ZBTB1: variants seen among roughly 807,000 people sequenced by gnomAD.
ZBTB1 encodes the protein zinc finger and BTB domain-containing protein 1.
A neutral mutation model predicts 51.6 loss-of-function variants in ZBTB1; 13 were observed. The ratio of observed to expected loss-of-function variants is 0.25; its 90% confidence interval spans 0.16 to 0.40. ZBTB1 has a LOEUF of 0.40. Among genes scored for constraint, ZBTB1 ranks in the 10% least tolerant of loss-of-function variants. The pLI, the probability that ZBTB1 is intolerant of heterozygous loss-of-function variation, is 1.00. For missense variants in ZBTB1, 567 were observed against 856.5 expected (o/e 0.66, Z 4.22); for synonymous variants, 240 against 282.2 (o/e 0.85, Z 1.50).
Position 64,522,255 on chromosome 14 carries a change from C to T in ZBTB1, c.751C>T (p.His251Tyr). 6.2e-7 allele frequency: 1 copy of T among 1,614,110 alleles called. No individual in the cohort carries two copies. The highest frequency in any genetic ancestry group is 1.1e-5 in the South Asian group (1 of 91,054). The change falls in exon 2 of 2, where the codon CAT becomes TAT. Residue 251 changes from histidine (H) to tyrosine (Y), a missense_variant. By Grantham distance (83) the His-to-Tyr change is moderately conservative. This residue lies in a region of ZBTB1 where 329 missense variants were observed against 406.3 expected (regional missense o/e 0.81). Transcript: ENST00000683701. ...TTTATACCAAAACACAAGATCTTAC[C>T]ATAGAATAGTAGATATTAGAGATGG... ...RHLYQNTRSY[H>Y]RIVDIRDGKD... is the part of the protein sequence containing the mutation.
Position 64,521,971 on chromosome 14 carries a change from C to T in ZBTB1, c.467C>T (p.Ala156Val). 1 of 1,614,154 alleles carries T rather than the reference C, an allele frequency of 6.2e-7. No individual in the cohort carries two copies. The highest frequency in any genetic ancestry group is 8.5e-7 in the Non-Finnish European group (1 of 1,180,042). ...EDTVARNGNE[A>V]NRWCAEPSST... ...ACTGTGGCTCGAAATGGCAATGAAGCCAACAGGTGGTGTGCAGAGCCAAGT... is the reference window on the plus strand; with the variant it reads ...ACTGTGGCTCGAAATGGCAATGAAGTCAACAGGTGGTGTGCAGAGCCAAGT... The change falls in exon 2 of 2, where the codon GCC becomes GTC. Residue 156 changes from alanine (A) to valine (V), a missense_variant. Ala to Val is a moderately conservative substitution (Grantham distance 64). Coordinates refer to ENST00000683701, the MANE Select transcript of ZBTB1 (RefSeq NM_001123329.2).
At chr14:64,509,053 GC>G (rs1240157002) in intron 1 of ZBTB1, among the ~76,000 whole-genome samples, 2 of 152,318 alleles carry the variant, frequency 1.3e-5, no homozygotes, top group Non-Finnish European at 2.9e-5. Context: ...AGAGGCATCT[GC>G]CTCACCCTAA....
chr14:64,524,562 C>T lies in ZBTB1; in HGVS notation c.*916C>T, dbSNP rs2079888701. ...CTCTAAAGGAAAAGATGATTTTTTA[C>T]AATACATACTTCTGGAACTTTGAGA... On this transcript the variant is annotated 3_prime_UTR_variant, in exon 2 of 2. Coordinates refer to ENST00000683701, the MANE Select transcript of ZBTB1 (RefSeq NM_001123329.2). 1 of 982,958 alleles carries T rather than the reference C, an allele frequency of 1.0e-6. No homozygotes were observed. Among genetic ancestry groups the T allele is most frequent in the South Asian group, 4.7e-5 (1 of 21,244 alleles). The allele number at this position is 982,958 out of a possible 1,614,324, so 60.9% of individuals were successfully genotyped here.
intron 1 of ZBTB1, among the ~76,000 whole-genome samples, chr14:64,517,134 C>A (rs2079795024): frequency 6.6e-6 from 1 of 152,186 alleles, no homozygotes; most frequent in South Asian, 2.1e-4. Flanking sequence ...ATAAGCATCA[C>A]CACCATTACA....
rs75296139 is a variant in ZBTB1, at chr14:64,522,651, A to G, written c.1147A>G (p.Ser383Gly). The stretch of plus-strand genomic sequence containing the variant: ...TGAAGAAGATGTCAGCATAAAAAAA[A>G]GTGGTAGGAAAACTCTAAAACCTCG... ...YVEEDVSIKK[S>G]GRKTLKPRMS... is the part of the protein sequence containing the mutation. Residue 383 changes from serine (S) to glycine (G), a missense_variant, in exon 2 of 2, where the codon AGT becomes GGT. Physicochemically the swap from Ser to Gly is moderately conservative, Grantham distance 56. This residue lies in a region of ZBTB1 where 329 missense variants were observed against 406.3 expected (regional missense o/e 0.81). Coordinates refer to ENST00000683701, the MANE Select transcript of ZBTB1 (RefSeq NM_001123329.2). The G allele has an allele frequency of 1.9e-6, 3 of 1,614,214 alleles. No homozygotes were observed. Among genetic ancestry groups the G allele is most frequent in the Non-Finnish European group, 2.5e-6 (3 of 1,180,026 alleles).
intron 1 of ZBTB1, among the ~76,000 whole-genome samples, chr14:64,517,788 T>A (rs868372109): frequency 8.1e-4 from 100 of 123,184 alleles, no homozygotes; most frequent in Admixed American, 2.1e-3. Context: ...TATATTTTTT[T>A]TTTTTTTTTT....
rs2079887723 is a variant in ZBTB1, at chr14:64,524,441, ATATTT to A, written c.*798_*802del. Reference sequence around the variant, plus strand: ...AAGACATATCTTGTATTCATTAAAAATATTTTAATTTAAAATATTCTGATTTCTAA... The same window carrying A: ...AAGACATATCTTGTATTCATTAAAAATAATTTAAAATATTCTGATTTCTAA... On this transcript the variant is annotated 3_prime_UTR_variant, in exon 2 of 2. Coordinates refer to ENST00000683701, the MANE Select transcript of ZBTB1 (RefSeq NM_001123329.2). 7 of 792,120 alleles carry A rather than the reference ATATTT, an allele frequency of 8.8e-6. No individual in the cohort carries two copies. The highest frequency in any genetic ancestry group is 1.9e-5 in the African/African-American group (1 of 53,414). 49.1% of individuals were successfully genotyped at this position (792,120 alleles called of 1,614,324 possible).
chr14:64,507,553 C>T (rs1190460366), intron 1 of ZBTB1, among the ~76,000 whole-genome samples: 1 of 152,218 alleles, frequency 6.6e-6, no homozygotes, highest in Admixed American at 6.5e-5. Flanking sequence ...GTGCCTCACT[C>T]TGCCTGGGGA....
rs1176564348 is a variant in ZBTB1, at chr14:64,523,029, G to C, written c.1525G>C (p.Asp509His). 2 of 1,614,158 alleles carry C rather than the reference G, an allele frequency of 1.2e-6. No individual in the cohort carries two copies. ...AAGAGATATGTTTGTTGAAATGCTG[G>C]ATGATTTTAGGGACAATCATTACCA... ...EIRDMFVEMLDDFRDNHYQIN... is the reference protein window; with the variant it reads ...EIRDMFVEMLHDFRDNHYQIN... The change falls in exon 2 of 2, where the codon GAT becomes CAT. Residue 509 changes from aspartate (D) to histidine (H), a missense_variant. Asp to His is a moderately conservative substitution (Grantham distance 81, BLOSUM62 -1). Coordinates refer to ENST00000683701, the MANE Select transcript of ZBTB1 (RefSeq NM_001123329.2). This position sits in a 1 kb window ranked among gnomAD's most constrained non-coding sequence, Gnocchi z 4.5.
chr14:64,524,752 T>G lies in ZBTB1; in HGVS notation c.*1106T>G. On this transcript the variant is annotated 3_prime_UTR_variant, in exon 2 of 2. Transcript: ENST00000683701. ...AATTGCAGTTTATCGCCATATTTTA[T>G]TATCATTTTTTTCTGTAAAAGACTA... 1 of 982,282 alleles carries G rather than the reference T, an allele frequency of 1.0e-6. No individual in the cohort carries two copies. Among genetic ancestry groups the G allele is most frequent in the Non-Finnish European group, 1.2e-6 (1 of 827,058 alleles). 60.8% of individuals were successfully genotyped at this position (982,282 alleles called of 1,614,324 possible). A position where few individuals can be genotyped will look rare whatever the true frequency, so the allele number is the denominator to read the frequency against.
In ZBTB1 at chr14:64,517,217, A is replaced by C. The variant is rs538682073; in HGVS notation, c.-18-4270A>C. 5.9e-5 allele frequency among the ~76,000 whole-genome samples: 9 copies of C among 152,276 alleles called. No individual in the cohort carries two copies. The East Asian group carries it at 9.6e-4, about 16-fold the overall frequency. The stretch of plus-strand genomic sequence containing the variant: ...ACACATTGCCTCTGTGAATCCTCAT[A>C]TATGATACTGTATTTGAGGTATTAT... On this transcript the variant is annotated intron_variant, in intron 1 of 1. Transcript: ENST00000683701.
chr14:64,531,112 G>C (rs2079939107), intron 2 of ZBTB1, among the ~76,000 whole-genome samples: 1 of 152,096 alleles, frequency 6.6e-6, no homozygotes, highest in South Asian at 2.1e-4. Flanking sequence ...AAGTTAACAT[G>C]TTTTTATTCT....
chr14:64,512,788 T>C (rs962948260), intron 1 of ZBTB1, among the ~76,000 whole-genome samples: 2 of 152,162 alleles, frequency 1.3e-5, no homozygotes, highest in African/African-American at 4.8e-5. Context: ...AACTGGTTAT[T>C]CCTGGAAGTT....
rs1053029908 is a variant in ZBTB1 at position 64,524,470 on chromosome 14, A to G, written c.*824A>G. 1.1e-4 allele frequency: 92 copies of G among 836,026 alleles called. No individual in the cohort carries two copies. In the African/African-American group the frequency reaches 1.6e-3, roughly 14 times the overall value. The allele number at this position is 836,026 out of a possible 1,614,324, so 51.8% of individuals were successfully genotyped here. ...TTTAATTTAAAATATTCTGATTTCTAAAGTGTGTTAGCTTATCAATTATTT... is the reference window on the plus strand; with the variant it reads ...TTTAATTTAAAATATTCTGATTTCTGAAGTGTGTTAGCTTATCAATTATTT... On this transcript the variant is annotated 3_prime_UTR_variant, in exon 2 of 2. Transcript: ENST00000683701.
intron 1 of ZBTB1, among the ~76,000 whole-genome samples, chr14:64,508,830 A>G (rs1352409645): frequency 6.6e-6 from 1 of 152,252 alleles, no homozygotes; most frequent in Non-Finnish European, 1.5e-5. Context: ...CTGTTTAAAC[A>G]TTTATTCATT....
intron 2 of ZBTB1, chr14:64,531,740 A>T: frequency 9.3e-7 from 1 of 1,072,924 alleles, no homozygotes; most frequent in Non-Finnish European, 1.4e-6. Context: ...CTGTTCTGTT[A>T]ACAGTGTGTT....
At chr14:64,527,794 G>A (rs1024194235), downstream of ZBTB1, among the ~76,000 whole-genome samples, 5 of 151,864 alleles carry the variant, frequency 3.3e-5, no homozygotes, top group African/African-American at 9.7e-5. Flanking sequence ...TAATACACAC[G>A]AAAAATCATG....
intron 1 of ZBTB1, chr14:64,518,384 G>T (rs1403981251): frequency 6.6e-6 from 1 of 152,116 alleles, no homozygotes; most frequent in Non-Finnish European, 1.5e-5. Flanking sequence ...TTCCAGAAAA[G>T]GTGCAGTGGT....
downstream of ZBTB1, among the ~76,000 whole-genome samples, chr14:64,528,229 C>G (rs1596705778): frequency 6.6e-6 from 1 of 151,280 alleles, no homozygotes; most frequent in Admixed American, 6.6e-5. Context: ...CAAATCACTA[C>G]CAAAAGAAAA....
Sources: allele counts gnomAD v4.1 joint callset (sites outside exome capture counted in the v4.1 genomes callset), GRCh38; gene constraint gnomAD v4.1.1; regional missense constraint gnomAD v4.1.1; non-coding constraint Gnocchi (gnomAD v3.1); transcripts MANE v1.5; gene names NCBI Gene and HGNC (gene_info 2026-07-23, HGNC 2026-07-21).